PRELID2: variants seen among roughly 807,000 people sequenced by gnomAD.
PRELID2 encodes the protein PRELI domain containing 2, also known as PRELI domain-containing protein 2.
A neutral mutation model predicts 28.4 loss-of-function variants in PRELID2; 25 were observed. That is an observed-to-expected ratio of 0.88 (90% CI 0.64 to 1.23). The LOEUF (loss-of-function observed/expected upper bound fraction) is 1.23. PRELID2 is among the 50% of genes most tolerant of loss of function. The pLI is 0.00. For synonymous variants in PRELID2, 76 were observed against 71.6 expected (o/e 1.06, Z -0.31); for missense variants, 201 against 214.4 (o/e 0.94, Z 0.39).
At chr5:145,701,270 T>C (rs1755400738) in intron 1 of PRELID2, among the ~76,000 whole-genome samples, 1 of 152,198 alleles carries the variant, frequency 6.6e-6, no homozygotes, top group Admixed American at 6.5e-5. Flanking sequence ...TCACACCGAC[T>C]GCACTGCCTC....
chr5:145,290,085 A>G, the PRELID2 span, among the ~76,000 whole-genome samples: 56 of 152,322 alleles, frequency 3.7e-4, 1 homozygote, highest in African/African-American at 1.3e-3. Context: ...GTGATCATTA[A>G]AAAGTCAGGG....
intron 1 of PRELID2, among the ~76,000 whole-genome samples, chr5:145,651,756 C>T (rs1417561824): frequency 6.6e-6 from 1 of 152,090 alleles, no homozygotes; most frequent in African/African-American, 2.4e-5. Context: ...CCCATCTGCA[C>T]GTCACCATCA....
the PRELID2 span, among the ~76,000 whole-genome samples, chr5:145,309,417 G>T: frequency 6.6e-6 from 1 of 152,178 alleles, no homozygotes; most frequent in South Asian, 2.1e-4. Flanking sequence ...GAAAGATAGG[G>T]AGAGAAAGAA....
At chr5:145,605,808 T>C (rs142367624) in intron 1 of PRELID2, among the ~76,000 whole-genome samples, 1 of 152,030 alleles carries the variant, frequency 6.6e-6, no homozygotes, top group African/African-American at 2.4e-5. Flanking sequence ...TTGAAGAATG[T>C]CATTGATAGT....
intron 1 of PRELID2, among the ~76,000 whole-genome samples, chr5:145,580,728 G>A (rs1349400723): frequency 1.3e-5 from 2 of 151,976 alleles, no homozygotes; most frequent in Non-Finnish European, 2.9e-5. Flanking sequence ...TGAGAACCCA[G>A]GTGCCATCCT....
intron 1 of PRELID2, among the ~76,000 whole-genome samples, chr5:145,613,852 A>C (rs1403018445): frequency 1.3e-5 from 2 of 151,984 alleles, no homozygotes; most frequent in Admixed American, 6.6e-5. Context: ...CTTTGTTTTT[A>C]TTGCATTTGC....
chr5:145,761,333 G>A (rs761795084), intron 6 of PRELID2, among the ~76,000 whole-genome samples: 8 of 152,096 alleles, frequency 5.3e-5, no homozygotes, highest in South Asian at 2.1e-4. Context: ...TTGTGTACGC[G>A]CATTGGAACT....
the PRELID2 span, among the ~76,000 whole-genome samples, chr5:145,307,706 G>T: frequency 7.9e-5 from 12 of 152,024 alleles, no homozygotes; most frequent in Non-Finnish European, 1.8e-4. Flanking sequence ...GGAGAGAGAT[G>T]ATCTGAGAGC....
chr5:145,701,980 G>A (rs1387431425), intron 1 of PRELID2, among the ~76,000 whole-genome samples: 4 of 152,066 alleles, frequency 2.6e-5, no homozygotes, highest in African/African-American at 9.7e-5. Flanking sequence ...AAACCTGGGA[G>A]GTGGAGGTTG....
Position 145,600,451 on chromosome 5 carries a change from A to ATATG in PRELID2, n.71-127140_71-127137dup, listed in dbSNP as rs1554078387. Among the ~76,000 whole-genome samples, 608 of 138,302 alleles carry ATATG rather than the reference A, an allele frequency of 4.4e-3. 24 individuals are homozygous for ATATG. The highest frequency in any genetic ancestry group is 0.018 in the African/African-American group (569 of 32,402). The allele number at this position is 138,302 out of a possible 152,430, so 90.7% of individuals were successfully genotyped here. On this transcript the variant is annotated intron_variant and non_coding_transcript_variant, in intron 1 of 2. Coordinates refer to the PRELID2 transcript ENST00000510259. ...AAAAAAAAAATATATATATATATAT[A>ATATG]TATGTATCTCACAGGTGTGATGGGG...
intron 1 of PRELID2, among the ~76,000 whole-genome samples, chr5:145,611,432 A>G (rs60101315): frequency 0.18 from 26,714 of 152,086 alleles, 3,940 homozygotes; most frequent in African/African-American, 0.39. Flanking sequence ...CCAAAGTCCT[A>G]GGATTACAGG....
chr5:145,502,474 T>A (rs899939042), intron 1 of PRELID2, among the ~76,000 whole-genome samples: 4 of 151,978 alleles, frequency 2.6e-5, no homozygotes, highest in African/African-American at 9.7e-5. Context: ...GAAATTAAGG[T>A]AGAGATAACA....
intron 5 of PRELID2, among the ~76,000 whole-genome samples, chr5:145,771,206 G>T (rs943882319): frequency 6.6e-6 from 1 of 151,918 alleles, no homozygotes; most frequent in African/African-American, 2.4e-5. Flanking sequence ...TTATCATTGT[G>T]TTACAATTGC....
At chr5:145,829,014 G>T (rs536440103) in intron 1 of PRELID2, among the ~76,000 whole-genome samples, 299 of 150,890 alleles carry the variant, frequency 2.0e-3, no homozygotes, top group African/African-American at 2.6e-3. Context: ...AATTTTGGGG[G>T]TTTTTTGTTT....
At chr5:145,448,832 T>C in the PRELID2 span, among the ~76,000 whole-genome samples, 358 of 152,272 alleles carry the variant, frequency 2.4e-3, 1 homozygote, top group African/African-American at 7.9e-3. Flanking sequence ...AACTTACACA[T>C]AGTAAGAGCT....
At chr5:145,714,092 T>C (rs889525446) in intron 1 of PRELID2, among the ~76,000 whole-genome samples, 1 of 151,874 alleles carries the variant, frequency 6.6e-6, no homozygotes, top group African/African-American at 2.4e-5. Context: ...CTGTAAACAA[T>C]AAACCTTTAT....
chr5:145,665,999 A>AAG (rs1554082390), intron 1 of PRELID2, among the ~76,000 whole-genome samples: 53 of 147,772 alleles, frequency 3.6e-4, no homozygotes, highest in Admixed American at 1.8e-3. Flanking sequence ...AAAAAAAAAA[A>AAG]AAAGAAAGAA....
At chr5:145,298,734 T>C in the PRELID2 span, among the ~76,000 whole-genome samples, 1 of 152,086 alleles carries the variant, frequency 6.6e-6, no homozygotes, top group Non-Finnish European at 1.5e-5. Context: ...TAAATGTATG[T>C]TCATTATAAA....
the PRELID2 span, among the ~76,000 whole-genome samples, chr5:145,231,685 G>A: frequency 7.9e-5 from 12 of 152,070 alleles, no homozygotes; most frequent in East Asian, 2.1e-3. Context: ...ATCTGAGCAC[G>A]TTCAACTTTA....
Sources: gnomAD v4.1 joint callset for allele counts (sites outside exome capture counted in the v4.1 genomes callset) on GRCh38, gnomAD v4.1.1 for gene constraint, MANE v1.5 for transcripts, NCBI Gene and HGNC (gene_info 2026-07-23, HGNC 2026-07-21) for gene names.